The following MSRA variants were observed in gnomAD, a reference collection of about 807,000 sequenced individuals.
MSRA encodes the protein mitochondrial peptide methionine sulfoxide reductase.
Under a neutral mutation model 31.3 loss-of-function variants are expected in MSRA, and 54 were observed. That is an observed-to-expected ratio of 1.73 (90% confidence interval 1.39 to 2.17). MSRA has a LOEUF of 2.17. Among genes scored for constraint, MSRA ranks in the 30% most tolerant of loss-of-function variants. The pLI is 0.00. For missense variants in MSRA, 507 were observed against 300.9 expected (o/e 1.69, Z -5.07); for synonymous variants, 169 against 116.5 (o/e 1.45, Z -2.90).
At chr8:10,290,052 A>G (rs1800149765) in intron 3 of MSRA, among the ~76,000 whole-genome samples, 2 of 152,260 alleles carry the variant, frequency 1.3e-5, no homozygotes, top group Non-Finnish European at 2.9e-5. Context: ...ATAGATGAGC[A>G]GCCTGTGGCT....
intron 1 of MSRA, among the ~76,000 whole-genome samples, chr8:10,164,212 G>T (rs550549020): frequency 9.9e-5 from 15 of 152,150 alleles, no homozygotes; most frequent in Non-Finnish European, 1.5e-4. Flanking sequence ...AGTCATGAAC[G>T]ATTGCCATTC....
intron 5 of MSRA, among the ~76,000 whole-genome samples, chr8:10,421,068 G>T (rs1313335354): frequency 6.6e-6 from 1 of 152,116 alleles, no homozygotes; most frequent in Non-Finnish European, 1.5e-5. Context: ...GAGTCCCGGG[G>T]ATGTGAGCTG....
chr8:10,058,636 G>A (rs1402996173), intron 1 of MSRA, among the ~76,000 whole-genome samples: 1 of 152,176 alleles, frequency 6.6e-6, no homozygotes, highest in Non-Finnish European at 1.5e-5. Flanking sequence ...CCTTGACATA[G>A]CATATCTATT....
intron 1 of MSRA, among the ~76,000 whole-genome samples, chr8:10,107,122 T>C (rs1435887106): frequency 6.6e-6 from 1 of 152,160 alleles, no homozygotes; most frequent in African/African-American, 2.4e-5. Flanking sequence ...GATCAGTAAA[T>C]GTGGCCAAGC....
intron 5 of MSRA, among the ~76,000 whole-genome samples, chr8:10,413,873 T>C (rs924505900): frequency 6.6e-6 from 1 of 152,104 alleles, no homozygotes; most frequent in East Asian, 1.9e-4. Context: ...TTGTAAAGTT[T>C]GAAAGGATAG....
chr8:10,264,796 A>C (rs956689298), intron 3 of MSRA, among the ~76,000 whole-genome samples: 1 of 152,236 alleles, frequency 6.6e-6, no homozygotes, highest in African/African-American at 2.4e-5. Context: ...CTAACTTGAG[A>C]GCCCAATGCG....
intron 3 of MSRA, among the ~76,000 whole-genome samples, chr8:10,289,417 G>A (rs1382371456): frequency 6.6e-6 from 1 of 151,920 alleles, no homozygotes; most frequent in Non-Finnish European, 1.5e-5. Flanking sequence ...ATATTTATGG[G>A]GTACATGAGC....
chr8:10,143,772 A>T (rs1488487320), intron 1 of MSRA, among the ~76,000 whole-genome samples: 1 of 152,150 alleles, frequency 6.6e-6, no homozygotes, highest in South Asian at 2.1e-4. Context: ...ATTTTGCGTC[A>T]CTGCAAACCT....
intron 1 of MSRA, among the ~76,000 whole-genome samples, chr8:10,205,413 G>A (rs1469999932): frequency 6.6e-6 from 1 of 152,120 alleles, no homozygotes; most frequent in African/African-American, 2.4e-5. Context: ...TTAGAAAGCA[G>A]GAGCATGGCA....
At chr8:10,317,468 C>G (rs1472062443) in intron 4 of MSRA, among the ~76,000 whole-genome samples, 1 of 152,112 alleles carries the variant, frequency 6.6e-6, no homozygotes, top group East Asian at 1.9e-4. Context: ...GGGAGAGAAA[C>G]CTCAGAGCAG....
chr8:10,054,703 T>TGCGCGCCTTTGCCCGGCGGCA, intron 1 of MSRA, 45 bp downstream of exon 1: 1 of 1,463,666 alleles, frequency 6.8e-7, no homozygotes, highest in Non-Finnish European at 9.1e-7. Flanking sequence ...ACGCTGCGCA[T>TGCGCGCCTTTGCCCGGCGGCA]GCGCGCCTTT....
chr8:10,065,304 G>A (rs1797401594), intron 1 of MSRA, among the ~76,000 whole-genome samples: 1 of 152,164 alleles, frequency 6.6e-6, no homozygotes, highest in Non-Finnish European at 1.5e-5. Flanking sequence ...CTGACACCAG[G>A]AGTAGAAACT....
intron 1 of MSRA, among the ~76,000 whole-genome samples, chr8:10,104,000 T>C (rs546969804): frequency 1.3e-5 from 2 of 152,352 alleles, no homozygotes; most frequent in East Asian, 3.9e-4. Context: ...TGATAAAATA[T>C]TTTAAACTGT....
chr8:10,272,512 A>T (rs1393422116), intron 3 of MSRA, among the ~76,000 whole-genome samples: 1 of 152,204 alleles, frequency 6.6e-6, no homozygotes, highest in Non-Finnish European at 1.5e-5. Context: ...CTGGGTGAGG[A>T]CCATCCACAT....
At chr8:10,312,960 G>A (rs940259953) in intron 4 of MSRA, among the ~76,000 whole-genome samples, 1 of 152,220 alleles carries the variant, frequency 6.6e-6, no homozygotes, top group Non-Finnish European at 1.5e-5. Flanking sequence ...AGAAACTACA[G>A]AGAATGCCAT....
At chr8:10,193,206 A>C (rs1285262803) in intron 1 of MSRA, among the ~76,000 whole-genome samples, 3 of 152,196 alleles carry the variant, frequency 2.0e-5, no homozygotes, top group African/African-American at 7.2e-5. Context: ...CTAGGGTCTT[A>C]TTCAGGTGCT....
chr8:10,185,379 C>G (rs553495174), intron 1 of MSRA, among the ~76,000 whole-genome samples: 2 of 152,126 alleles, frequency 1.3e-5, no homozygotes, highest in Non-Finnish European at 2.9e-5. Flanking sequence ...TTTACCTAAG[C>G]ATTGTGGGTA....
intron 5 of MSRA, among the ~76,000 whole-genome samples, chr8:10,390,882 A>C (rs1806699834): frequency 6.6e-6 from 1 of 151,710 alleles, no homozygotes; most frequent in South Asian, 2.1e-4. Flanking sequence ...AGGCTGAGGC[A>C]GGAGAATGAC....
intron 3 of MSRA, among the ~76,000 whole-genome samples, chr8:10,273,940 G>A (rs1366677702): frequency 6.6e-6 from 1 of 152,122 alleles, no homozygotes; most frequent in Non-Finnish European, 1.5e-5. Flanking sequence ...CCTAGAGAGA[G>A]GCAGCTGCTT....
Sources: gnomAD v4.1 joint callset for allele counts (sites outside exome capture counted in the v4.1 genomes callset) on GRCh38, gnomAD v4.1.1 for gene constraint, MANE v1.5 for transcripts, NCBI Gene and HGNC (gene_info 2026-07-23, HGNC 2026-07-21) for gene names.